Variants in CLTCL1 observed in about 807,000 individuals in gnomAD.
CLTCL1 encodes clathrin heavy chain 2.
A neutral mutation model predicts 190.0 loss-of-function variants in CLTCL1; 159 were observed. The ratio of observed to expected loss-of-function variants is 0.84; its 90% CI spans 0.74 to 0.95. The LOEUF (loss-of-function observed/expected upper bound fraction) is 0.95, where lower values mean the gene tolerates loss of function less well. Among genes scored for constraint, CLTCL1 ranks in the 40% least tolerant of loss-of-function variants. The pLI is 0.00. For synonymous variants in CLTCL1, 752 were observed against 769.6 expected (o/e 0.98, Z 0.38); for missense variants, 1,878 against 2,033.4 (o/e 0.92, Z 1.47).
At chr22:19,286,522 C>G (rs1222210741) in intron 1 of CLTCL1, among the ~76,000 whole-genome samples, 1 of 152,156 alleles carries the variant, frequency 6.6e-6, no homozygotes, top group Non-Finnish European at 1.5e-5. Context: ...AATGAGATAG[C>G]TACATAATGG....
At chr22:19,191,979 G>A (rs1222948822) in intron 26 of CLTCL1, among the ~76,000 whole-genome samples, 1 of 152,150 alleles carries the variant, frequency 6.6e-6, no homozygotes, top group Non-Finnish European at 1.5e-5. Context: ...CTGTGCTCCT[G>A]GGTCTCGAGA....
At chr22:19,268,459 A>G (rs1832442133) in intron 2 of CLTCL1, among the ~76,000 whole-genome samples, 1 of 152,236 alleles carries the variant, frequency 6.6e-6, no homozygotes, top group South Asian at 2.1e-4. Flanking sequence ...TAGCTGATAA[A>G]CTATGTATAT....
At position 19,212,567 on chromosome 22, in the gene CLTCL1, G is replaced by GAGAAAGAAAGAAGAGAGAA. The variant is rs1555947380; in HGVS notation, c.3066-2059_3066-2058insTTCTCTCTTCTTTCTTTCT. Among the ~76,000 whole-genome samples, 1,341 of 141,692 alleles carry GAGAAAGAAAGAAGAGAGAA rather than the reference G, an allele frequency of 9.5e-3. 29 individuals are homozygous for GAGAAAGAAAGAAGAGAGAA. The highest frequency in any genetic ancestry group is 0.065 in the East Asian group (321 of 4,914). 93.0% of individuals were successfully genotyped at this position (141,692 alleles called of 152,430 possible). On this transcript the variant is annotated intron_variant, in intron 19 of 32. Transcript: ENST00000427926. ...CAGAGGGAGACCCTATTGAAAGAAA[G>GAGAAAGAAAGAAGAGAGAA]AGAAAGAAAGAAAGAAAGAGAAAGA...
chr22:19,228,557 G>T (rs1207629614), intron 11 of CLTCL1, among the ~76,000 whole-genome samples: 3 of 152,154 alleles, frequency 2.0e-5, no homozygotes, highest in Admixed American at 2.0e-4. Flanking sequence ...CCTAGAGTTG[G>T]AATATGACCC....
intron 19 of CLTCL1, among the ~76,000 whole-genome samples, chr22:19,214,277 G>A (rs1391562484): frequency 1.3e-5 from 2 of 152,200 alleles, no homozygotes; most frequent in Non-Finnish European, 2.9e-5. Flanking sequence ...GGAGAGTGGG[G>A]TTCCTGCTGC....
At position 19,208,995 on chromosome 22, in the gene CLTCL1, T is replaced by C. The variant is rs1328288011; in HGVS notation, c.3369A>G (p.Glu1123=). 3 of 1,611,920 alleles carry C rather than the reference T, an allele frequency of 1.9e-6. No homozygotes were observed. The highest frequency in any genetic ancestry group is 2.5e-6 in the Non-Finnish European group (3 of 1,179,168). The change falls in exon 21 of 33, where the codon GAA becomes GAG. Residue 1123 remains glutamate (E), a synonymous_variant. Transcript: ENST00000427926. ...QAQLQKDLVK[E]AINSYIRGDD... Reference sequence around the variant, plus strand: ...CCCCTCTGATATAGGAGTTGATGGCTTCCTTCACCAAATCTTTCTGGAGCT... The same window carrying C: ...CCCCTCTGATATAGGAGTTGATGGCCTCCTTCACCAAATCTTTCTGGAGCT...
At chr22:19,264,322 T>A (rs187692927) in intron 2 of CLTCL1, among the ~76,000 whole-genome samples, 2 of 150,294 alleles carry the variant, frequency 1.3e-5, no homozygotes, top group Non-Finnish European at 3.0e-5. Flanking sequence ...TGTGAAAAAA[T>A]TGGAACCCTG....
At position 19,199,794 on chromosome 22, in the gene CLTCL1, C is replaced by T. The variant is rs372344758; in HGVS notation, c.3813G>A (p.Leu1271=). The T allele has an allele frequency of 1.1e-5, 17 of 1,599,452 alleles. No individual in the cohort carries two copies. In the African/African-American group the frequency reaches 1.3e-4, roughly 13 times the overall value. ...MDGQEFRFAQ[L]CGLHIVIHAD... ...CATGAATGACGATGTGAAGACCACA[C>T]AGCTGTGCGAAGCGGAACTCTTGTC... is the stretch of plus-strand genomic sequence containing the variant. Residue 1271 remains leucine, a synonymous_variant, in exon 24 of 33, where the codon CTG becomes CTA. Coordinates refer to ENST00000427926, the MANE Select transcript of CLTCL1 (RefSeq NM_007098.4).
At chr22:19,286,909 C>G (rs1555990416) in intron 1 of CLTCL1, among the ~76,000 whole-genome samples, 1 of 152,184 alleles carries the variant, frequency 6.6e-6, no homozygotes, top group Non-Finnish European at 1.5e-5. Context: ...TCCTACAATT[C>G]TAATGCTCAA....
chr22:19,254,182 A>G lies in CLTCL1; in HGVS notation c.296T>C (p.Met99Thr), dbSNP rs1555971483. 2.5e-6 allele frequency: 4 copies of G among 1,613,784 alleles called. No individual in the cohort carries two copies. The South Asian group carries it at 3.3e-5, about 13-fold the overall frequency. ...TTCTTCTGCCATAGTATGAGCCTTC[A>G]TTTTACTCTTCATCTCAATATTAAA... is the stretch of plus-strand genomic sequence containing the variant. ...QIFNIEMKSK[M>T]KAHTMAEEVI... Residue 99 changes from methionine to threonine, a missense_variant, in exon 3 of 33, where the codon ATG (methionine) becomes ACG (threonine). Met to Thr is a moderately conservative substitution (Grantham distance 81). Coordinates refer to ENST00000427926, the MANE Select transcript of CLTCL1 (RefSeq NM_007098.4).
At position 19,184,825 on chromosome 22, in the gene CLTCL1, G is replaced by A. The variant is rs80118134; in HGVS notation, c.4606-1214C>T. On this transcript the variant is annotated intron_variant, in intron 29 of 32. Coordinates refer to ENST00000427926, the MANE Select transcript of CLTCL1 (RefSeq NM_007098.4). ...GCTCCTGCGGCCTGGAGCCCAGCTC[G>A]AGTCAGGCTCTCCCACACCCTCCTC... The A allele has an allele frequency of 3.5e-3, 1,160 of 333,308 alleles. 24 individuals are homozygous for A. In the East Asian group the frequency reaches 0.047, roughly 13 times the overall value. The allele number at this position is 333,308 out of a possible 1,614,324, so 20.6% of individuals were successfully genotyped here.
chr22:19,291,379 G>T (rs1386033203), intron 1 of CLTCL1, among the ~76,000 whole-genome samples: 1 of 152,112 alleles, frequency 6.6e-6, no homozygotes, highest in Non-Finnish European at 1.5e-5. Flanking sequence ...TTCCCCAGCC[G>T]GCCCCGCCGG....
intron 26 of CLTCL1, 49 bp downstream of exon 26, chr22:19,196,217 A>G: frequency 6.3e-7 from 1 of 1,581,570 alleles, no homozygotes; most frequent in Non-Finnish European, 8.6e-7. Context: ...CACCCAGAAT[A>G]GGGCCTGGCA....
chr22:19,274,816 ACCT>A (rs1210676825), intron 2 of CLTCL1, among the ~76,000 whole-genome samples: 2 of 146,446 alleles, frequency 1.4e-5, no homozygotes, highest in African/African-American at 2.6e-5. Flanking sequence ...CGCAACCTCC[ACCT>A]CCTGGGTTCA....
chr22:19,207,937 T>C, intron 22 of CLTCL1: 1 of 690,974 alleles, frequency 1.4e-6, no homozygotes, highest in Non-Finnish European at 2.6e-6. Flanking sequence ...TAGAATTATT[T>C]CATTATATAT....
At chr22:19,234,777 T>G in intron 6 of CLTCL1, 71 bp from the exon 7 acceptor site, 1 of 1,326,542 alleles carries the variant, frequency 7.5e-7, no homozygotes, top group Non-Finnish European at 1.1e-6. Flanking sequence ...CCATGTTCCC[T>G]TCCGATGCTG....
chr22:19,230,402 C>T (rs924681610), intron 10 of CLTCL1, among the ~76,000 whole-genome samples: 3 of 152,120 alleles, frequency 2.0e-5, no homozygotes, highest in African/African-American at 7.2e-5. Context: ...CTGCGCCCGG[C>T]CCCTTTCCAT....
At position 19,209,138 on chromosome 22, in the gene CLTCL1, A is replaced by G. The variant is rs556475812; in HGVS notation, c.3250-24T>C. ...ACCTAGGGGTTATGAGAGGACTTCC[A>G]TTCTCTGCAACATCTAGTCAGCTCC... On this transcript the variant is annotated intron_variant, in intron 20 of 32. Coordinates refer to ENST00000427926, the MANE Select transcript of CLTCL1 (RefSeq NM_007098.4). 6 of 1,555,304 alleles carry G rather than the reference A, an allele frequency of 3.9e-6. No individual in the cohort carries two copies. The East Asian group carries it at 1.4e-4, about 37-fold the overall frequency.
chr22:19,193,604 C>A (rs1254772590), intron 26 of CLTCL1, among the ~76,000 whole-genome samples: 1 of 152,252 alleles, frequency 6.6e-6, no homozygotes, highest in Admixed American at 6.5e-5. Flanking sequence ...GGCGTGGTGG[C>A]TCACGCCTGT....
Sources: gnomAD v4.1 joint callset for allele counts (sites outside exome capture counted in the v4.1 genomes callset) on GRCh38, gnomAD v4.1.1 for gene constraint, MANE v1.5 for transcripts, NCBI Gene and HGNC (gene_info 2026-07-23, HGNC 2026-07-21) for gene names.